The following UBR7 variants were observed in gnomAD, a reference collection of about 807,000 sequenced individuals.
UBR7 encodes the protein ubiquitin protein ligase E3 component n-recognin 7.
In UBR7, 22 loss-of-function variants were observed where a neutral mutation model predicts 57.0. That is an observed-to-expected ratio of 0.39 (90% CI 0.28 to 0.55). UBR7 has a LOEUF of 0.55. UBR7 is among the 20% of genes least tolerant of loss of function. The pLI is 0.69. For synonymous variants in UBR7, 167 were observed against 179.8 expected (o/e 0.93, Z 0.57); for missense variants, 395 against 513.2 (o/e 0.77, Z 2.23).
intron 3 of UBR7, 89 bp downstream of exon 3, chr14:93,210,797 C>T (rs1894466860): frequency 8.8e-7 from 1 of 1,136,464 alleles, no homozygotes; most frequent in Non-Finnish European, 1.3e-6. Flanking sequence ...CCTGTATTTT[C>T]CAAAAAAAGA....
At chr14:93,223,938 C>A (rs1008760117) in intron 10 of UBR7, 28 of 731,156 alleles carry the variant, frequency 3.8e-5, no homozygotes, top group Non-Finnish European at 6.9e-5. Flanking sequence ...TTCTCAAACA[C>A]CTGCCCACAG....
chr14:93,226,184 C>T (rs1238305765), intron 10 of UBR7, among the ~76,000 whole-genome samples: 1 of 152,340 alleles, frequency 6.6e-6, no homozygotes, highest in Middle Eastern at 3.4e-3. Context: ...GCCACACTTA[C>T]TAGGGAATGA....
intron 10 of UBR7, 88 bp from the exon 11 acceptor site, chr14:93,226,855 A>G (rs1437274243): frequency 2.4e-6 from 2 of 843,960 alleles, no homozygotes; most frequent in East Asian, 5.5e-5. Flanking sequence ...TCTTAACAGT[A>G]TCATTTGACT....
At chr14:93,225,488 G>C (rs1171239036) in intron 10 of UBR7, among the ~76,000 whole-genome samples, 1 of 149,862 alleles carries the variant, frequency 6.7e-6, no homozygotes, top group Non-Finnish European at 1.5e-5. Context: ...AAAAAATTAG[G>C]CTGGCATGGT....
intron 8 of UBR7, among the ~76,000 whole-genome samples, chr14:93,220,048 T>C (rs939417105): frequency 3.3e-5 from 5 of 151,894 alleles, no homozygotes; most frequent in South Asian, 2.1e-4. Flanking sequence ...ATCTGGGAAA[T>C]TGGGAGATTT....
chr14:93,223,626 G>C, intron 10 of UBR7: 2 of 1,364,158 alleles, frequency 1.5e-6, no homozygotes, highest in Non-Finnish European at 2.0e-6. Flanking sequence ...CCTCTTGGTG[G>C]TGAAGCGTGG....
chr14:93,212,915 A>G (rs1390298408), intron 4 of UBR7, among the ~76,000 whole-genome samples: 1 of 152,198 alleles, frequency 6.6e-6, no homozygotes, highest in Non-Finnish European at 1.5e-5. Context: ...AACTGAGTAT[A>G]CTCCAAGTAT....
chr14:93,212,205 T>A, intron 4 of UBR7, 78 bp downstream of exon 4: 1 of 1,098,148 alleles, frequency 9.1e-7, no homozygotes, highest in South Asian at 1.3e-5. Context: ...TATCCGAGCC[T>A]CTGGCTCTTC....
Position 93,223,607 on chromosome 14 carries a change from C to T in UBR7, c.1185+1233C>T, listed in dbSNP as rs552994510. The T allele has an allele frequency of 2.3e-4, 271 of 1,175,128 alleles. 1 individual carries two copies. The Middle Eastern group carries it at 6.4e-3, about 28-fold the overall frequency. The allele number at this position is 1,175,128 out of a possible 1,614,324, so 72.8% of individuals were successfully genotyped here. On this transcript the variant is annotated intron_variant, in intron 10 of 10. Transcript: ENST00000013070. ...GGCGAGGGCCCTGCCCCTAGAAGAACGTGTTGGGCCTCTTGGTGGTGAAGC... is the reference window on the plus strand; with the variant it reads ...GGCGAGGGCCCTGCCCCTAGAAGAATGTGTTGGGCCTCTTGGTGGTGAAGC...
Position 93,224,480 on chromosome 14 carries a change from G to A in UBR7, c.1185+2106G>A, listed in dbSNP as rs1054764888. The stretch of plus-strand genomic sequence containing the variant: ...TGCAACCTGTGCCTCCCAGGTTCAT[G>A]TCATTCTCCTGCCTCAGCCTCCCAA... On this transcript the variant is annotated intron_variant, in intron 10 of 10. Transcript: ENST00000013070. Among the ~76,000 whole-genome samples, 12 of 145,168 alleles carry A rather than the reference G, an allele frequency of 8.3e-5. No individual in the cohort carries two copies. In the Admixed American group the frequency reaches 8.6e-4, roughly 10 times the overall value.
At chr14:93,221,078 T>G (rs1369954441) in intron 9 of UBR7, among the ~76,000 whole-genome samples, 1 of 151,754 alleles carries the variant, frequency 6.6e-6, no homozygotes, top group Non-Finnish European at 1.5e-5. Context: ...CTCAAGTAGC[T>G]GTGACCACAG....
chr14:93,217,049 C>T (rs772735994), intron 6 of UBR7, among the ~76,000 whole-genome samples: 14 of 151,986 alleles, frequency 9.2e-5, no homozygotes, highest in Admixed American at 7.2e-4. Context: ...TTTTTCAAGA[C>T]GGAATCTTGC....
At chr14:93,207,699 G>C (rs1894394712) in intron 1 of UBR7, among the ~76,000 whole-genome samples, 1 of 152,118 alleles carries the variant, frequency 6.6e-6, no homozygotes, top group African/African-American at 2.4e-5. Context: ...AAGGGCCCTG[G>C]AGCAGCTGCT....
chr14:93,227,014 G>A lies in UBR7; in HGVS notation c.1257G>A (p.Gly419=). 4.3e-6 allele frequency: 7 copies of A among 1,612,336 alleles called. No individual in the cohort carries two copies. The highest frequency in any genetic ancestry group is 5.9e-6 in the Non-Finnish European group (7 of 1,178,868). Residue 419 remains glycine, a synonymous_variant, in exon 11 of 11, where the codon GGG becomes GGA. Coordinates refer to ENST00000013070, the MANE Select transcript of UBR7 (RefSeq NM_175748.4). ...CAAAAAAGAGAAGAAGAGTGGATGGGATGCAGTATTACTGCAGCTAGAGTG... is the reference window on the plus strand; with the variant it reads ...CAAAAAAGAGAAGAAGAGTGGATGGAATGCAGTATTACTGCAGCTAGAGTG... ...FQSKKRRRVD[G]MQYYCS is the part of the protein sequence containing the mutation.
chr14:93,221,028 C>T (rs1894695081), intron 9 of UBR7, among the ~76,000 whole-genome samples: 1 of 152,082 alleles, frequency 6.6e-6, no homozygotes, highest in Non-Finnish European at 1.5e-5. Flanking sequence ...TCACTGCAAC[C>T]TCTGCTGCCC....
At position 93,209,836 on chromosome 14, in the gene UBR7, A is replaced by T; in HGVS notation, c.163A>T (p.Arg55Ter). The change falls in exon 2 of 11, where the codon AGA (arginine) becomes TGA (stop). Residue 55 changes from arginine (R) to a stop codon, truncating the protein, a stop_gained. Coordinates refer to ENST00000013070, the MANE Select transcript of UBR7 (RefSeq NM_175748.4). LOFTEE classifies it high-confidence loss of function. Reference protein sequence around the residue: ...KCSYSQGSVKRQALYACSTCT... With the variant: ...KCSYSQGSVK ...TGGGGGCTTTCAGGGCTCAGTAAAG[A>T]GACAAGCACTATATGCCTGTAGTAC... is the stretch of plus-strand genomic sequence containing the variant. 6.2e-7 allele frequency: 1 copy of T among 1,613,944 alleles called. No individual in the cohort carries two copies. The highest frequency in any genetic ancestry group is 1.1e-5 in the South Asian group (1 of 91,078).
At chr14:93,218,473 C>G (rs900527025) in intron 6 of UBR7, 54 bp from the exon 7 acceptor site, 1 of 1,446,012 alleles carries the variant, frequency 6.9e-7, no homozygotes, top group African/African-American at 1.4e-5. Flanking sequence ...TTTTATTGTC[C>G]GTTAGGTCAG....
intron 6 of UBR7, among the ~76,000 whole-genome samples, chr14:93,216,436 C>CT (rs1894594013): frequency 6.6e-6 from 1 of 152,060 alleles, no homozygotes; most frequent in Non-Finnish European, 1.5e-5. Context: ...ATTGGTAATG[C>CT]TTTATGTATT....
At chr14:93,224,532 C>T (rs1187975307) in intron 10 of UBR7, among the ~76,000 whole-genome samples, 4 of 151,982 alleles carry the variant, frequency 2.6e-5, no homozygotes, top group Admixed American at 1.3e-4. Context: ...CACCCGCCAC[C>T]ACGCCCGGCT....
Sources: allele counts gnomAD v4.1 joint callset (sites outside exome capture counted in the v4.1 genomes callset), GRCh38; gene constraint gnomAD v4.1.1; transcripts MANE v1.5; gene names NCBI Gene and HGNC (gene_info 2026-07-23, HGNC 2026-07-21).